CERK: variants seen among roughly 807,000 people sequenced by gnomAD.
CERK encodes acylsphingosine kinase.
In CERK, 39 loss-of-function variants were observed where a neutral mutation model predicts 63.4. The ratio of observed to expected loss-of-function variants is 0.61; its 90% CI spans 0.48 to 0.80. The LOEUF is 0.80. CERK is among the 30% of genes least tolerant of loss of function. CERK has a pLI of 0.00. For missense variants in CERK, 670 were observed against 714.1 expected (o/e 0.94, Z 0.70); for synonymous variants, 302 against 280.0 (o/e 1.08, Z -0.78).
chr22:46,726,215 G>A (rs1354715290), intron 1 of CERK, among the ~76,000 whole-genome samples: 3 of 152,214 alleles, frequency 2.0e-5, no homozygotes, highest in Admixed American at 6.5e-5. Flanking sequence ...GATGTCTTTC[G>A]CCTCTTGGGC....
chr22:46,718,042 C>T (rs1035906363), intron 3 of CERK, among the ~76,000 whole-genome samples: 2 of 152,112 alleles, frequency 1.3e-5, no homozygotes, highest in Non-Finnish European at 2.9e-5. Flanking sequence ...TGCACCACTG[C>T]ACTCCAGCCC....
intron 6 of CERK, among the ~76,000 whole-genome samples, chr22:46,702,699 G>C (rs180693091): frequency 6.6e-6 from 1 of 152,242 alleles, no homozygotes; most frequent in Non-Finnish European, 1.5e-5. Context: ...GCTTCAGCCC[G>C]ATGTTCCCCG....
chr22:46,699,208 T>TG, intron 8 of CERK, 105 bp downstream of exon 8: 2 of 1,205,632 alleles, frequency 1.7e-6, no homozygotes, highest in Non-Finnish European at 2.4e-6. Context: ...TGTGAGCAGG[T>TG]GGGGGCCCAC....
At chr22:46,735,492 C>T (rs770783658) in intron 1 of CERK, 1 of 152,270 alleles carries the variant, frequency 6.6e-6, no homozygotes, top group Non-Finnish European at 1.5e-5. Context: ...CTGTCCACAT[C>T]TGAAATAGGG....
chr22:46,727,458 T>C (rs998799724), intron 1 of CERK, among the ~76,000 whole-genome samples: 1 of 151,086 alleles, frequency 6.6e-6, no homozygotes, highest in Non-Finnish European at 1.5e-5. Flanking sequence ...TCTTTTTTTT[T>C]TTTTTTTTGA....
rs135689 is a variant in CERK, at chr22:46,702,058, A to T, written c.716-348T>A. ...TAGCCAGGCGTGGTGGCATGCACCT[A>T]TAATACCAGCTCCTCAGGAGGCTAA... On this transcript the variant is annotated intron_variant, in intron 6 of 12. Transcript: ENST00000216264. Among the ~76,000 whole-genome samples, 3 of 151,340 alleles carry T rather than the reference A, an allele frequency of 2.0e-5. No individual in the cohort carries two copies. In the South Asian group the frequency reaches 6.3e-4, roughly 32 times the overall value.
At chr22:46,712,136 T>G in intron 4 of CERK, 32 bp downstream of exon 4, 2 of 1,611,842 alleles carry the variant, frequency 1.2e-6, no homozygotes, top group Non-Finnish European at 1.7e-6. Context: ...TTCTCAAACT[T>G]ACTTCTACAT....
rs145987768 is a variant in CERK, at chr22:46,730,026, G to A, written c.142+7981C>T. On this transcript the variant is annotated intron_variant, in intron 1 of 12. Transcript: ENST00000216264. ...TGCACTCCAGCCTGGGTGACAGATC[G>A]AGACTCCATCTCAAAACAAACAAAC... Among the ~76,000 whole-genome samples, 90 of 149,262 alleles carry A rather than the reference G, an allele frequency of 6.0e-4. 4 individuals carry two copies. The East Asian group carries it at 0.017, about 28-fold the overall frequency.
At chr22:46,708,943 T>G (rs2082827085) in intron 5 of CERK, among the ~76,000 whole-genome samples, 1 of 152,074 alleles carries the variant, frequency 6.6e-6, no homozygotes, top group South Asian at 2.1e-4. Context: ...TGCCTGCCCA[T>G]TCCCCAGTGG....
At chr22:46,737,955 G>GC in intron 1 of CERK, 52 bp downstream of exon 1, 1 of 1,104,012 alleles carries the variant, frequency 9.1e-7, no homozygotes, top group Non-Finnish European at 1.1e-6. Context: ...CCCCCAAGCC[G>GC]CCCCCGCTCC....
rs186128653 is a variant in CERK at position 46,689,356 on chromosome 22, C to T, written c.1541+636G>A. On this transcript the variant is annotated intron_variant, in intron 12 of 12. Transcript: ENST00000216264. ...GTGGACAAAGGACTGCCTGTAAAGGCGGTTTCCTTTGTTTGCCTTTTGAAA... is the reference window on the plus strand; with the variant it reads ...GTGGACAAAGGACTGCCTGTAAAGGTGGTTTCCTTTGTTTGCCTTTTGAAA... Among the ~76,000 whole-genome samples the T allele has an allele frequency of 1.5e-4, 23 of 152,346 alleles. No homozygotes were observed. The East Asian group carries it at 4.1e-3, about 27-fold the overall frequency.
At chr22:46,705,679 C>T (rs2082809493) in intron 6 of CERK, among the ~76,000 whole-genome samples, 1 of 151,736 alleles carries the variant, frequency 6.6e-6, no homozygotes. Flanking sequence ...TCAAACAAAC[C>T]AACCAACCAA....
chr22:46,701,311 G>A (rs1403202280), intron 7 of CERK, among the ~76,000 whole-genome samples: 3 of 152,248 alleles, frequency 2.0e-5, no homozygotes, highest in Non-Finnish European at 4.4e-5. Flanking sequence ...GGTGGTTTCC[G>A]AGCCTCGGGG....
chr22:46,730,600 G>C (rs543347996), intron 1 of CERK, among the ~76,000 whole-genome samples: 3 of 152,350 alleles, frequency 2.0e-5, no homozygotes, highest in African/African-American at 7.2e-5. Flanking sequence ...CTATTCTAAA[G>C]AGCAGAGAGA....
chr22:46,691,056 T>TACACACACACACAC (rs141210280), intron 11 of CERK, among the ~76,000 whole-genome samples: 14,716 of 147,076 alleles, frequency 0.1, 933 homozygotes, highest in East Asian at 0.22. Flanking sequence ...TATACATACA[T>TACACACACACACAC]ACACACACAC....
At chr22:46,695,963 C>A (rs1315180309) in intron 8 of CERK, among the ~76,000 whole-genome samples, 1 of 152,206 alleles carries the variant, frequency 6.6e-6, no homozygotes, top group Non-Finnish European at 1.5e-5. Context: ...GGAGCCAGGC[C>A]GTGTCCTGTG....
chr22:46,704,520 T>C (rs969812045), intron 6 of CERK, among the ~76,000 whole-genome samples: 1 of 151,998 alleles, frequency 6.6e-6, no homozygotes, highest in Non-Finnish European at 1.5e-5. Context: ...GTATAAACAA[T>C]GTTATGGTCA....
intron 12 of CERK, among the ~76,000 whole-genome samples, chr22:46,688,589 C>G (rs564978999): frequency 1.3e-5 from 2 of 152,316 alleles, no homozygotes; most frequent in South Asian, 2.1e-4. Context: ...TGTTCGGATG[C>G]GAATGGGAGA....
chr22:46,710,758 A>C (rs539179558), intron 5 of CERK, among the ~76,000 whole-genome samples: 1 of 152,180 alleles, frequency 6.6e-6, no homozygotes, highest in Non-Finnish European at 1.5e-5. Flanking sequence ...AACTGTAAAA[A>C]CGACAGCATC....
Sources: gnomAD v4.1 joint callset for allele counts (sites outside exome capture counted in the v4.1 genomes callset) on GRCh38, gnomAD v4.1.1 for gene constraint, MANE v1.5 for transcripts, NCBI Gene and HGNC (gene_info 2026-07-23, HGNC 2026-07-21) for gene names.